Variants in LIMCH1 observed in about 807,000 individuals in gnomAD.
The protein encoded by LIMCH1 is LIM and calponin homology domains 1.
In LIMCH1, 113 loss-of-function variants were observed where a neutral mutation model predicts 176.5. That is an observed-to-expected ratio of 0.64 (90% CI 0.55 to 0.75). LIMCH1 has a LOEUF of 0.75. Among genes scored for constraint, LIMCH1 ranks in the 30% least tolerant of loss-of-function variants. The pLI is 0.00. For missense variants in LIMCH1, 1,674 were observed against 1,814.9 expected (o/e 0.92, Z 1.41); for synonymous variants, 619 against 645.9 (o/e 0.96, Z 0.63).
chr4:41,611,619 C>T (rs1448164471), intron 4 of LIMCH1, among the ~76,000 whole-genome samples: 1 of 152,208 alleles, frequency 6.6e-6, no homozygotes, highest in African/African-American at 2.4e-5. Flanking sequence ...AGTCAAGTTA[C>T]TTAACCTCTC....
intron 1 of LIMCH1, among the ~76,000 whole-genome samples, chr4:41,565,384 TAC>T (rs897890089): frequency 2.8e-4 from 28 of 100,286 alleles, no homozygotes; most frequent in South Asian, 3.4e-4. Flanking sequence ...CACACACACA[TAC>T]ACACACACAC....
rs1192395154 is a variant in LIMCH1 at position 41,699,975 on chromosome 4, A to G, written c.*2790A>G. 1 of 152,192 alleles carries G rather than the reference A, an allele frequency of 6.6e-6. No homozygotes were observed. Among genetic ancestry groups the G allele is most frequent in the African/African-American group, 2.4e-5 (1 of 41,446 alleles). 9.4% of individuals were successfully genotyped at this position (152,192 alleles called of 1,614,324 possible). ...CTCTGAGAAACAGTAAAAAATAAAA[A>G]CAACAAGTTGTCTAAAATGCAACAG... On this transcript the variant is annotated 3_prime_UTR_variant, in exon 32 of 32. Transcript: ENST00000503057.
At chr4:41,367,683 C>A (rs10938149) in intron 1 of LIMCH1, among the ~76,000 whole-genome samples, 62,360 of 89,806 alleles carry the variant, frequency 0.69, 20,189 homozygotes, top group South Asian at 0.81. Context: ...TACTAAAAAT[C>A]CAAAAAAAAA....
intron 1 of LIMCH1, among the ~76,000 whole-genome samples, chr4:41,546,717 T>C (rs1444807363): frequency 1.3e-5 from 2 of 152,172 alleles, no homozygotes; most frequent in Non-Finnish European, 2.9e-5. Context: ...AAAATAGTAA[T>C]GAGCTTTAGT....
chr4:41,497,489 C>A (rs2072402866), intron 2 of LIMCH1, among the ~76,000 whole-genome samples: 1 of 152,072 alleles, frequency 6.6e-6, no homozygotes, highest in Admixed American at 6.6e-5. Flanking sequence ...AATAACTTGG[C>A]TAAGATCATA....
chr4:41,504,068 A>G (rs1045528435), intron 2 of LIMCH1, among the ~76,000 whole-genome samples: 2 of 152,190 alleles, frequency 1.3e-5, no homozygotes. Context: ...CCCCCTACTG[A>G]ATAACTTGGC....
intron 26 of LIMCH1, 35 bp downstream of exon 26, chr4:41,682,495 C>G (rs1170284525): frequency 6.2e-7 from 1 of 1,601,708 alleles, no homozygotes; most frequent in African/African-American, 1.3e-5. Context: ...TGAAAATGTA[C>G]AAAGCTGGGC....
At chr4:41,456,271 G>A (rs79190199) in intron 1 of LIMCH1, among the ~76,000 whole-genome samples, 6,137 of 151,974 alleles carry the variant, frequency 0.04, 156 homozygotes, top group African/African-American at 0.06. Context: ...TTTGTTTTTG[G>A]CCTCACCCTG....
chr4:41,671,520 A>T lies in LIMCH1; in HGVS notation c.3398-34A>T, dbSNP rs766933958. 4 of 1,579,070 alleles carry T rather than the reference A, an allele frequency of 2.5e-6. No homozygotes were observed. In the South Asian group the frequency reaches 3.3e-5, roughly 13 times the overall value. On this transcript the variant is annotated intron_variant, in intron 21 of 31. Coordinates refer to ENST00000503057, the MANE Select transcript of LIMCH1 (RefSeq NM_001330672.2). ...AGACAATTAGAAAATACTCACATTC[A>T]TATCTTTTTTTTCTTTCTTTTTTTT... is the stretch of plus-strand genomic sequence containing the variant.
intron 1 of LIMCH1, among the ~76,000 whole-genome samples, chr4:41,572,817 C>T (rs907481669): frequency 1.2e-4 from 18 of 152,022 alleles, no homozygotes; most frequent in Admixed American, 1.2e-3. Flanking sequence ...CATAAGGCAA[C>T]GGGAATGAGG....
intron 1 of LIMCH1, among the ~76,000 whole-genome samples, chr4:41,422,758 C>T (rs2060723595): frequency 6.6e-6 from 1 of 151,814 alleles, no homozygotes; most frequent in African/African-American, 2.4e-5. Context: ...TCTTTCTTTC[C>T]TTTTTTATTT....
In LIMCH1 at chr4:41,466,906, C is replaced by A. The variant is rs116250812; in HGVS notation, c.97-27630C>A. ...TGTCTTGTAAAACCGAAACTCTGTA[C>A]CCATTAAGCAGTAACTCCTCATTCT... On this transcript the variant is annotated intron_variant, in intron 1 of 26. Transcript: ENST00000313860. Among the ~76,000 whole-genome samples the A allele has an allele frequency of 9.4e-3, 1,438 of 152,176 alleles. 28 individuals carry two copies. The highest frequency in any genetic ancestry group is 0.033 in the African/African-American group (1,368 of 41,498).
rs575498710 is a variant in LIMCH1, at chr4:41,581,769, G to GCA, written c.-240-17149_-240-17148dup. ...TGCAGTGAGCCGAGATCGCGCCACT[G>GCA]CACTCCAGCCTGGGCAACAGAGCAA... On this transcript the variant is annotated intron_variant, in intron 1 of 31. Coordinates refer to ENST00000503057, the MANE Select transcript of LIMCH1 (RefSeq NM_001330672.2). Among the ~76,000 whole-genome samples the GCA allele has an allele frequency of 2.0e-3, 262 of 130,890 alleles. 1 individual carries two copies. Among genetic ancestry groups the GCA allele is most frequent in the African/African-American group, 7.0e-3 (241 of 34,452 alleles). The allele number at this position is 130,890 out of a possible 152,430, so 85.9% of individuals were successfully genotyped here.
chr4:41,650,389 A>G lies in LIMCH1; in HGVS notation c.2821-4A>G, dbSNP rs369340883. ...ATGTTTTTTGTTCATTCTGGCTTTT[A>G]TAGGTAGACGGGAAAGTCAGTGTGA... On this transcript the variant is annotated splice_region_variant and splice_polypyrimidine_tract_variant and intron_variant, in intron 17 of 31. Coordinates refer to ENST00000503057, the MANE Select transcript of LIMCH1 (RefSeq NM_001330672.2). 1.6e-5 allele frequency: 25 copies of G among 1,612,158 alleles called. No homozygotes were observed. The African/African-American group carries it at 3.3e-4, about 22-fold the overall frequency.
chr4:41,458,436 G>T (rs1388401714), intron 1 of LIMCH1, among the ~76,000 whole-genome samples: 1 of 152,104 alleles, frequency 6.6e-6, no homozygotes, highest in South Asian at 2.1e-4. Flanking sequence ...TTCAGTTTGG[G>T]TTTGGGCAAG....
chr4:41,529,022 A>C (rs766985084), intron 3 of LIMCH1, among the ~76,000 whole-genome samples: 8 of 152,204 alleles, frequency 5.3e-5, no homozygotes, highest in Non-Finnish European at 1.0e-4. Context: ...CTGCCTGCAG[A>C]TGCTTGCATT....
intron 3 of LIMCH1, 112 bp downstream of exon 3, chr4:41,604,017 G>A: frequency 1.9e-6 from 2 of 1,027,276 alleles, no homozygotes; most frequent in Non-Finnish European, 2.9e-6. Context: ...AAAAGTATAT[G>A]TGTATTTCAT....
chr4:41,684,867 C>T (rs1248848994), intron 27 of LIMCH1, among the ~76,000 whole-genome samples: 3 of 152,114 alleles, frequency 2.0e-5, no homozygotes, highest in South Asian at 2.1e-4. Context: ...GGAGTGGAAT[C>T]CCCAAAGCCG....
At chr4:41,663,036 C>T (rs767577744) in intron 20 of LIMCH1, 52 bp downstream of exon 20, 1 of 1,522,430 alleles carries the variant, frequency 6.6e-7, no homozygotes, top group Admixed American at 1.8e-5. Context: ...AACATGGCCC[C>T]ATATTACAGC....
Sources: gnomAD v4.1 joint callset for allele counts (sites outside exome capture counted in the v4.1 genomes callset) on GRCh38, gnomAD v4.1.1 for gene constraint, MANE v1.5 for transcripts, NCBI Gene and HGNC (gene_info 2026-07-23, HGNC 2026-07-21) for gene names.